Variants in DYTN observed in about 807,000 individuals in gnomAD.
The protein encoded by DYTN is dystrotelin.
Under a neutral mutation model 69.6 loss-of-function variants are expected in DYTN, and 75 were observed. The ratio of observed to expected loss-of-function variants is 1.08; its 90% CI spans 0.89 to 1.31. The LOEUF (loss-of-function observed/expected upper bound fraction) is 1.31. Ranked by LOEUF, DYTN falls within the 50% of genes most tolerant of loss-of-function variation. The pLI is 0.00. For missense variants in DYTN, 726 were observed against 688.4 expected, an observed-to-expected ratio of 1.05 and a Z score of -0.61; for synonymous variants, 252 against 249.1, an observed-to-expected ratio of 1.01 and a Z score of -0.11.
chr2:206,713,321 A>G (rs1700096120), intron 1 of DYTN, among the ~76,000 whole-genome samples: 1 of 152,228 alleles, frequency 6.6e-6, no homozygotes, highest in East Asian at 1.9e-4. Context: ...ACCATGCTGT[A>G]CAGTAGATCT....
At chr2:206,705,071 T>C in intron 4 of DYTN, 128 bp from the exon 5 acceptor site, 1 of 769,642 alleles carries the variant, frequency 1.3e-6, no homozygotes, top group East Asian at 2.7e-5. Flanking sequence ...TGTTCTTGAT[T>C]ATTGGCTAGC....
intron 1 of DYTN, among the ~76,000 whole-genome samples, chr2:206,713,009 G>A (rs1162751358): frequency 1.3e-5 from 2 of 152,194 alleles, no homozygotes; most frequent in Admixed American, 1.3e-4. Context: ...AACACACAAG[G>A]GTGAGCAGAG....
intron 9 of DYTN, among the ~76,000 whole-genome samples, chr2:206,666,457 A>G (rs916491730): frequency 1.3e-5 from 2 of 152,188 alleles, no homozygotes; most frequent in Admixed American, 1.3e-4. Context: ...GTATTTCAGA[A>G]AACTCACCAC....
At chr2:206,680,946 A>G (rs1231163391) in intron 9 of DYTN, among the ~76,000 whole-genome samples, 1 of 152,174 alleles carries the variant, frequency 6.6e-6, no homozygotes, top group Non-Finnish European at 1.5e-5. Flanking sequence ...TGATGGAAAT[A>G]GCTTTGAATC....
chr2:206,679,856 CCTT>C (rs1489602171), intron 9 of DYTN, among the ~76,000 whole-genome samples: 1 of 152,144 alleles, frequency 6.6e-6, no homozygotes, highest in African/African-American at 2.4e-5. Context: ...TTGTAACAAA[CCTT>C]CTGAATGACA....
intron 4 of DYTN, 156 bp from the exon 5 acceptor site, chr2:206,705,099 A>G (rs901091427): frequency 2.2e-5 from 14 of 641,640 alleles, no homozygotes; most frequent in African/African-American, 3.7e-5. Context: ...AAGGCCTCCA[A>G]AACTATTTTG....
intron 11 of DYTN, among the ~76,000 whole-genome samples, chr2:206,658,381 C>T (rs78764276): frequency 0.031 from 4,790 of 152,140 alleles, 105 homozygotes; most frequent in Middle Eastern, 0.061. Context: ...TTCTCTATTA[C>T]TTCTTCTTCT....
At chr2:206,682,439 T>C (rs1485371871) in intron 9 of DYTN, among the ~76,000 whole-genome samples, 14 of 152,296 alleles carry the variant, frequency 9.2e-5, no homozygotes, top group Non-Finnish European at 2.9e-5. Context: ...TTTCTTCACC[T>C]GTCTTCCAGG....
intron 8 of DYTN, 71 bp downstream of exon 8, chr2:206,694,695 A>T (rs1190153378): frequency 1.6e-6 from 2 of 1,255,532 alleles, no homozygotes; most frequent in African/African-American, 3.1e-5. Context: ...ACTGGAGGGA[A>T]GGTTTTTTCA....
intron 9 of DYTN, among the ~76,000 whole-genome samples, chr2:206,683,545 T>C (rs1699774356): frequency 6.6e-6 from 1 of 151,970 alleles, no homozygotes; most frequent in Non-Finnish European, 1.5e-5. Flanking sequence ...GGTTTTACCA[T>C]GTTGGCCATG....
intron 11 of DYTN, among the ~76,000 whole-genome samples, chr2:206,653,103 T>A (rs1699406583): frequency 6.6e-6 from 1 of 152,178 alleles, no homozygotes; most frequent in Non-Finnish European, 1.5e-5. Flanking sequence ...ATCACTCCAA[T>A]ACCGCTCCAG....
chr2:206,708,963 A>G (rs1338764732), intron 2 of DYTN, among the ~76,000 whole-genome samples: 1 of 152,198 alleles, frequency 6.6e-6, no homozygotes, highest in Non-Finnish European at 1.5e-5. Flanking sequence ...CATGTGAACA[A>G]TTGCTGCTAA....
chr2:206,713,242 G>A (rs145964124), intron 1 of DYTN, among the ~76,000 whole-genome samples: 1 of 152,160 alleles, frequency 6.6e-6, no homozygotes, highest in East Asian at 1.9e-4. Context: ...ATTTTTTGTG[G>A]TAAGAATATT....
At chr2:206,671,594 C>T (rs1424140023) in intron 9 of DYTN, among the ~76,000 whole-genome samples, 4 of 152,184 alleles carry the variant, frequency 2.6e-5, no homozygotes, top group African/African-American at 9.7e-5. Context: ...TACCTCTATT[C>T]AGTCTCTATA....
In DYTN at chr2:206,693,244, T is replaced by G. The variant is rs779791433; in HGVS notation, c.911A>C (p.Glu304Ala). The G allele has an allele frequency of 1.2e-6, 2 of 1,613,590 alleles. No individual in the cohort carries two copies. Among genetic ancestry groups the G allele is most frequent in the East Asian group, 4.5e-5 (2 of 44,880 alleles). ...CAGCAGCTGCTGCCTTCTCGCTGCT[T>G]CTTTCTTCCTACAGCGCCCCTGAAG... ...NLLQGRCRKK[E>A]AARRQQLLDQ... The change falls in exon 9 of 12, where the codon GAA becomes GCA. Residue 304 changes from glutamate (E) to alanine (A), a missense_variant. Coordinates refer to ENST00000452335, the MANE Select transcript of DYTN (RefSeq NM_001093730.1).
chr2:206,709,020 TA>T (rs756663527), intron 2 of DYTN, among the ~76,000 whole-genome samples: 47 of 152,038 alleles, frequency 3.1e-4, no homozygotes, highest in Non-Finnish European at 5.6e-4. Flanking sequence ...TAATTGGGGG[TA>T]AATTTTTAGC....
chr2:206,656,992 T>C (rs571156517), intron 11 of DYTN, among the ~76,000 whole-genome samples: 136 of 151,950 alleles, frequency 9.0e-4, no homozygotes, highest in African/African-American at 3.1e-3. Flanking sequence ...GAACTCCCAA[T>C]CTCAGGTGAT....
In DYTN at chr2:206,687,617, T is replaced by A. The variant is rs189181168; in HGVS notation, c.980+5558A>T. ...CTTTCTTCCTTAGGAGATGTTCTTTTTTCTAATATTTATTTTAAATTCTTT... is the reference window on the plus strand; with the variant it reads ...CTTTCTTCCTTAGGAGATGTTCTTTATTCTAATATTTATTTTAAATTCTTT... On this transcript the variant is annotated intron_variant, in intron 9 of 11. Transcript: ENST00000452335. Among the ~76,000 whole-genome samples the A allele has an allele frequency of 1.6e-3, 245 of 152,212 alleles. 1 individual carries two copies. Among genetic ancestry groups the A allele is most frequent in the Non-Finnish European group, 2.7e-3 (182 of 68,020 alleles).
At chr2:206,679,907 C>A (rs1367526183) in intron 9 of DYTN, among the ~76,000 whole-genome samples, 1 of 152,118 alleles carries the variant, frequency 6.6e-6, no homozygotes, top group African/African-American at 2.4e-5. Flanking sequence ...ATTTTCATAT[C>A]TTGGTATTGT....
Sources: allele counts gnomAD v4.1 joint callset (sites outside exome capture counted in the v4.1 genomes callset), GRCh38; gene constraint gnomAD v4.1.1; transcripts MANE v1.5; gene names NCBI Gene and HGNC (gene_info 2026-07-23, HGNC 2026-07-21).